The following ADGRL3 variants were observed in gnomAD, a reference collection of about 807,000 sequenced individuals.
ADGRL3 encodes the protein calcium-independent alpha-latrotoxin receptor 3.
A neutral mutation model predicts 153.5 loss-of-function variants in ADGRL3; 62 were observed. The ratio of observed to expected loss-of-function variants is 0.40; its 90% CI spans 0.33 to 0.50. ADGRL3 has a LOEUF of 0.50. Ranked by LOEUF, ADGRL3 falls within the 20% of genes least tolerant of loss-of-function variation. ADGRL3 has a pLI of 0.47. For synonymous variants in ADGRL3, 710 were observed against 672.5 expected (o/e 1.06, Z -0.86); for missense variants, 1,641 against 1,859.4 (o/e 0.88, Z 2.16).
intron 2 of ADGRL3, among the ~76,000 whole-genome samples, chr4:61,465,583 T>G (rs975541657): frequency 6.6e-6 from 1 of 151,298 alleles, no homozygotes; most frequent in Admixed American, 6.6e-5. Flanking sequence ...TTTTTTAAAT[T>G]AAATGTTAAA....
intron 17 of ADGRL3, among the ~76,000 whole-genome samples, chr4:61,976,027 G>A (rs1469348853): frequency 6.6e-6 from 1 of 152,046 alleles, no homozygotes; most frequent in African/African-American, 2.4e-5. Context: ...CAGCTCTAAA[G>A]CATTTAGCCT....
At chr4:61,867,533 T>TATATATATATATATATATATATATATAG (rs2098409277) in intron 9 of ADGRL3, among the ~76,000 whole-genome samples, 1 of 136,662 alleles carries the variant, frequency 7.3e-6, no homozygotes, top group African/African-American at 2.6e-5. Flanking sequence ...TATATATATA[T>TATATATATATATATATATATATATATAG]ATATATAATT....
At chr4:61,949,017 G>GAAA (rs78444273) in intron 17 of ADGRL3, among the ~76,000 whole-genome samples, 1 of 120,270 alleles carries the variant, frequency 8.3e-6, no homozygotes, top group African/African-American at 3.0e-5. Context: ...AGGAAACTCA[G>GAAA]AAAAAAAAAA....
chr4:62,006,343 A>G (rs2099159155), intron 21 of ADGRL3, among the ~76,000 whole-genome samples: 3 of 151,956 alleles, frequency 2.0e-5, no homozygotes, highest in South Asian at 4.2e-4. Context: ...TGTAGATTCT[A>G]AGAGAATGGA....
rs564849221 is a variant in ADGRL3, at chr4:61,971,178, T to C, written c.2806-8385T>C. Among the ~76,000 whole-genome samples, 5 of 151,946 alleles carry C rather than the reference T, an allele frequency of 3.3e-5. No homozygotes were observed. The East Asian group carries it at 9.6e-4, about 29-fold the overall frequency. On this transcript the variant is annotated intron_variant, in intron 17 of 26. Transcript: ENST00000683033. ...TTTATTTATTTATTATTATTATACTTTAAGTTTTAGGGTACATGTGCACAA... is the reference window on the plus strand; with the variant it reads ...TTTATTTATTTATTATTATTATACTCTAAGTTTTAGGGTACATGTGCACAA...
At chr4:61,801,004 G>A (rs1386595434) in intron 8 of ADGRL3, among the ~76,000 whole-genome samples, 1 of 152,098 alleles carries the variant, frequency 6.6e-6, no homozygotes, top group African/African-American at 2.4e-5. Flanking sequence ...ATTTGATCAG[G>A]TTGAAAAGAT....
At chr4:61,989,429 A>T (rs924876779) in intron 19 of ADGRL3, among the ~76,000 whole-genome samples, 1 of 152,090 alleles carries the variant, frequency 6.6e-6, no homozygotes, top group African/African-American at 2.4e-5. Context: ...AATACAGATA[A>T]TGAAGAAGTA....
chr4:61,521,769 C>T (rs1049222693), intron 4 of ADGRL3, among the ~76,000 whole-genome samples: 5 of 151,916 alleles, frequency 3.3e-5, no homozygotes, highest in African/African-American at 9.7e-5. Flanking sequence ...ATAAGAAAGA[C>T]AGGAGGAGAT....
intron 2 of ADGRL3, among the ~76,000 whole-genome samples, chr4:61,433,348 G>A (rs141954465): frequency 2.2e-4 from 29 of 132,228 alleles, no homozygotes; most frequent in African/African-American, 7.4e-4. Context: ...TTTCAGGACT[G>A]TGAATAGCTT....
chr4:61,715,898 T>C (rs986343047), intron 6 of ADGRL3, among the ~76,000 whole-genome samples: 3 of 149,212 alleles, frequency 2.0e-5, no homozygotes, highest in Non-Finnish European at 4.4e-5. Context: ...CCATCTCCTT[T>C]CATAACAGGA....
At chr4:61,671,006 C>T (rs74730994) in intron 5 of ADGRL3, among the ~76,000 whole-genome samples, 2,627 of 152,266 alleles carry the variant, frequency 0.017, 84 homozygotes, top group African/African-American at 0.06. Flanking sequence ...TTCCCTCCTG[C>T]TAGCTACATA....
Position 61,693,931 on chromosome 4 carries a change from A to G in ADGRL3, c.583+16996A>G, listed in dbSNP as rs187459732. Reference sequence around the variant, plus strand: ...ATAACTTCTAAGTTTCTGAATGCTAAAAGTATGAATTACATCTTTGGATCT... The same window carrying G: ...ATAACTTCTAAGTTTCTGAATGCTAGAAGTATGAATTACATCTTTGGATCT... On this transcript the variant is annotated intron_variant, in intron 6 of 26. Coordinates refer to ENST00000683033, the MANE Select transcript of ADGRL3 (RefSeq NM_001387552.1). Among the ~76,000 whole-genome samples the G allele has an allele frequency of 1.5e-3, 223 of 152,256 alleles. 2 individuals are homozygous for G. Among genetic ancestry groups the G allele is most frequent in the African/African-American group, 5.0e-3 (206 of 41,572 alleles).
chr4:61,516,955 A>C (rs182016602), intron 3 of ADGRL3, among the ~76,000 whole-genome samples: 2 of 152,106 alleles, frequency 1.3e-5, no homozygotes, highest in Non-Finnish European at 2.9e-5. Context: ...AGTGCCCTTA[A>C]TTTACATTAG....
At chr4:61,525,860 T>C (rs2098555771) in intron 4 of ADGRL3, among the ~76,000 whole-genome samples, 1 of 152,114 alleles carries the variant, frequency 6.6e-6, no homozygotes, top group African/African-American at 2.4e-5. Flanking sequence ...TGGTCTTAGA[T>C]ATATTGATTT....
At chr4:61,741,349 T>C (rs998337438) in intron 8 of ADGRL3, among the ~76,000 whole-genome samples, 4 of 152,230 alleles carry the variant, frequency 2.6e-5, no homozygotes, top group African/African-American at 9.6e-5. Flanking sequence ...TCTATCTTAG[T>C]AGCTGAGTGA....
chr4:61,770,282 A>C (rs2097068113), intron 8 of ADGRL3, among the ~76,000 whole-genome samples: 1 of 152,176 alleles, frequency 6.6e-6, no homozygotes, highest in Non-Finnish European at 1.5e-5. Flanking sequence ...GTTGTGGACT[A>C]AATTTTGGGA....
intron 13 of ADGRL3, among the ~76,000 whole-genome samples, chr4:61,917,202 T>G (rs2098748951): frequency 6.6e-6 from 1 of 152,156 alleles, no homozygotes; most frequent in African/African-American, 2.4e-5. Context: ...CAGAGGCGTG[T>G]CCTCCTAATC....
chr4:61,296,886 C>T (rs764574503), intron 1 of ADGRL3, among the ~76,000 whole-genome samples: 25 of 152,020 alleles, frequency 1.6e-4, no homozygotes, highest in East Asian at 5.8e-4. Context: ...CTTAATTTTA[C>T]GTTAAGTATA....
intron 3 of ADGRL3, among the ~76,000 whole-genome samples, chr4:61,511,207 A>C (rs536311914): frequency 6.6e-6 from 1 of 152,238 alleles, no homozygotes; most frequent in Non-Finnish European, 1.5e-5. Flanking sequence ...AAGATACAAA[A>C]AAATTAGCCG....
Sources: allele counts gnomAD v4.1 joint callset (sites outside exome capture counted in the v4.1 genomes callset), GRCh38; gene constraint gnomAD v4.1.1; transcripts MANE v1.5; gene names NCBI Gene and HGNC (gene_info 2026-07-23, HGNC 2026-07-21).